SEM1: variants seen among roughly 807,000 people sequenced by gnomAD.
SEM1 encodes SEM1 26S proteasome subunit.
In SEM1, 3 loss-of-function variants were observed where a neutral mutation model predicts 12.7. The ratio of observed to expected loss-of-function variants is 0.24; its 90% confidence interval spans 0.11 to 0.61. The LOEUF (loss-of-function observed/expected upper bound fraction) is 0.61, where lower values mean the gene tolerates loss of function less well. Ranked by LOEUF, SEM1 falls within the 20% of genes least tolerant of loss-of-function variation. The pLI, the probability that SEM1 is intolerant of heterozygous loss-of-function variation, is 0.88. For missense variants in SEM1, 59 were observed against 81.3 expected, an observed-to-expected ratio of 0.73 and a Z score of 1.06; for synonymous variants, 30 against 27.8, an observed-to-expected ratio of 1.08 and a Z score of -0.25.
chr7:96,675,225 A>C (rs1395704859), intron 2 of SEM1, among the ~76,000 whole-genome samples: 1 of 152,198 alleles, frequency 6.6e-6, no homozygotes, highest in Admixed American at 6.5e-5. Context: ...TCTTCTGCAC[A>C]CAGTATGGGG....
At chr7:96,548,005 T>C (rs1805155292) in intron 2 of SEM1, among the ~76,000 whole-genome samples, 5 of 152,056 alleles carry the variant, frequency 3.3e-5, no homozygotes, top group Admixed American at 3.3e-4. Context: ...GGAGGTACAC[T>C]GGGCAAAAAA....
At position 96,617,019 on chromosome 7, in the gene SEM1, G is replaced by A. The variant is rs117311280; in HGVS notation, c.170+77779C>T. ...AGTTCTTTTTGTTCAGGATTGCTTTGGTTATTCAGGCTCTTTTTTTGGTTT... is the reference window on the plus strand; with the variant it reads ...AGTTCTTTTTGTTCAGGATTGCTTTAGTTATTCAGGCTCTTTTTTTGGTTT... On this transcript the variant is annotated intron_variant and NMD_transcript_variant, in intron 2 of 3. Transcript: ENST00000466986. Among the ~76,000 whole-genome samples, 804 of 152,106 alleles carry A rather than the reference G, an allele frequency of 5.3e-3. 1 individual carries two copies. Among genetic ancestry groups the A allele is most frequent in the Non-Finnish European group, 9.5e-3 (643 of 67,932 alleles).
At chr7:96,536,684 A>T (rs1804796585) in intron 2 of SEM1, among the ~76,000 whole-genome samples, 1 of 151,912 alleles carries the variant, frequency 6.6e-6, no homozygotes, top group South Asian at 2.1e-4. Flanking sequence ...TTTGTCCCTC[A>T]TGATCTTCTT....
intron 2 of SEM1, among the ~76,000 whole-genome samples, chr7:96,587,966 T>C (rs1446921230): frequency 1.3e-5 from 2 of 152,190 alleles, no homozygotes; most frequent in Admixed American, 1.3e-4. Flanking sequence ...CTGGTACCTA[T>C]ACTTTGTCAT....
chr7:96,487,176 T>C (rs937788192), intron 1 of SEM1, among the ~76,000 whole-genome samples: 1 of 143,978 alleles, frequency 6.9e-6, no homozygotes, highest in Non-Finnish European at 1.5e-5. Flanking sequence ...TTTAAGGGAG[T>C]ATCACACAGT....
chr7:96,620,533 G>A (rs1807859150), downstream of SEM1, among the ~76,000 whole-genome samples: 1 of 152,188 alleles, frequency 6.6e-6, no homozygotes, highest in African/African-American at 2.4e-5. Context: ...TGGGTTGAGG[G>A]ATTCTCTTGT....
intron 1 of SEM1, chr7:96,695,209 C>A (rs1295814797): frequency 1.0e-5 from 2 of 197,706 alleles, no homozygotes; most frequent in African/African-American, 4.7e-5. Flanking sequence ...TTTCAAAACA[C>A]AACACCAACA....
intron 2 of SEM1, among the ~76,000 whole-genome samples, chr7:96,516,661 G>A (rs1210234721): frequency 6.6e-6 from 1 of 152,132 alleles, no homozygotes; most frequent in East Asian, 1.9e-4. Flanking sequence ...AGCCACTTTG[G>A]AAGACAGTTT....
chr7:96,634,163 T>C (rs1808357011), intron 2 of SEM1, among the ~76,000 whole-genome samples: 1 of 152,066 alleles, frequency 6.6e-6, no homozygotes. Flanking sequence ...TAAAGAAATA[T>C]ATAGTGTGTT....
upstream of SEM1, among the ~76,000 whole-genome samples, chr7:96,499,258 A>G (rs1029180626): frequency 6.6e-6 from 1 of 152,232 alleles, no homozygotes; most frequent in Non-Finnish European, 1.5e-5. Flanking sequence ...CTATTAGGCA[A>G]CAACAGTAAT....
chr7:96,623,034 T>C (rs1045141328), intron 2 of SEM1: 1 of 168,394 alleles, frequency 5.9e-6, no homozygotes, highest in African/African-American at 2.4e-5. Flanking sequence ...GAATTAGCAT[T>C]TGAATTGCTG....
At chr7:96,514,793 T>C (rs1804038482) in intron 2 of SEM1, among the ~76,000 whole-genome samples, 2 of 152,290 alleles carry the variant, frequency 1.3e-5, no homozygotes, top group Middle Eastern at 6.8e-3. Flanking sequence ...ACATACTATG[T>C]TCATAGGTAG....
chr7:96,645,231 G>A (rs930865529), intron 2 of SEM1, among the ~76,000 whole-genome samples: 3 of 152,122 alleles, frequency 2.0e-5, no homozygotes, highest in South Asian at 2.1e-4. Context: ...AAACTGCCAG[G>A]CCATGTTAGG....
chr7:96,645,629 A>G, intron 2 of SEM1: 1 of 396,508 alleles, frequency 2.5e-6, no homozygotes, highest in South Asian at 1.4e-4. Flanking sequence ...GAGTGGGCAC[A>G]CTCTTGAGAG....
intron 2 of SEM1, among the ~76,000 whole-genome samples, chr7:96,682,209 T>C (rs1238082379): frequency 1.3e-5 from 2 of 152,132 alleles, no homozygotes; most frequent in East Asian, 1.9e-4. Context: ...TGTATAGGAA[T>C]GCTTGTGATT....
chr7:96,618,692 T>C (rs1054817467), downstream of SEM1, among the ~76,000 whole-genome samples: 7 of 152,150 alleles, frequency 4.6e-5, no homozygotes, highest in Non-Finnish European at 8.8e-5. Context: ...TTTACACTTA[T>C]TTTGTATTTC....
chr7:96,559,435 C>T (rs549972377), intron 2 of SEM1, among the ~76,000 whole-genome samples: 1 of 152,216 alleles, frequency 6.6e-6, no homozygotes, highest in East Asian at 1.9e-4. Flanking sequence ...GCATACACCA[C>T]CACACCTGGC....
chr7:96,525,060 C>A (rs557215438), intron 2 of SEM1, among the ~76,000 whole-genome samples: 1 of 152,206 alleles, frequency 6.6e-6, no homozygotes, highest in South Asian at 2.1e-4. Context: ...GTGGCTGATT[C>A]TTCTCCAGCC....
At chr7:96,496,047 G>C (rs760519097) in intron 1 of SEM1, among the ~76,000 whole-genome samples, 15 of 152,138 alleles carry the variant, frequency 9.9e-5, no homozygotes, top group Non-Finnish European at 2.1e-4. Context: ...CCTTCGAGAT[G>C]CTGGTGTTGT....
Sources: gnomAD v4.1 joint callset for allele counts (sites outside exome capture counted in the v4.1 genomes callset) on GRCh38, gnomAD v4.1.1 for gene constraint, MANE v1.5 for transcripts, NCBI Gene and HGNC (gene_info 2026-07-23, HGNC 2026-07-21) for gene names.